Variants in NCK2 observed in about 807,000 individuals in gnomAD.
NCK2 encodes the protein cytoplasmic protein NCK2.
In NCK2, 16 loss-of-function variants were observed where a neutral mutation model predicts 33.9. The observed-to-expected ratio is 0.47, with a 90% CI of 0.32 to 0.72. The LOEUF (loss-of-function observed/expected upper bound fraction) is 0.72, where lower values mean the gene tolerates loss of function less well. NCK2 is among the 30% of genes least tolerant of loss of function. The pLI is 0.03. For synonymous variants in NCK2, 273 were observed against 239.9 expected (o/e 1.14, Z -1.27); for missense variants, 418 against 537.3 (o/e 0.78, Z 2.19).
At chr2:105,775,126 G>T (rs1052926092) in intron 1 of NCK2, among the ~76,000 whole-genome samples, 7 of 152,114 alleles carry the variant, frequency 4.6e-5, no homozygotes, top group African/African-American at 1.2e-4. Context: ...CTAAACTTTA[G>T]TTTTTAAAAA....
At chr2:105,832,425 GC>G (rs1427962430) in intron 2 of NCK2, among the ~76,000 whole-genome samples, 6 of 152,130 alleles carry the variant, frequency 3.9e-5, no homozygotes, top group Non-Finnish European at 8.8e-5. Flanking sequence ...AAAGTTTTCA[GC>G]TTTTGCCTAT....
intron 1 of NCK2, among the ~76,000 whole-genome samples, chr2:105,815,946 G>T (rs544564766): frequency 6.6e-6 from 1 of 152,290 alleles, no homozygotes; most frequent in South Asian, 2.1e-4. Flanking sequence ...CAGGTCCCTT[G>T]ATTATGGGCT....
intron 3 of NCK2, among the ~76,000 whole-genome samples, chr2:105,879,334 C>G (rs1243150442): frequency 6.6e-6 from 1 of 152,216 alleles, no homozygotes; most frequent in Non-Finnish European, 1.5e-5. Flanking sequence ...GGCACCACTG[C>G]CTTCTGGACA....
At chr2:105,786,971 G>A (rs1389801580) in intron 1 of NCK2, among the ~76,000 whole-genome samples, 1 of 152,250 alleles carries the variant, frequency 6.6e-6, no homozygotes, top group East Asian at 1.9e-4. Context: ...AGCTGGCGTG[G>A]TGCCGCACAG....
chr2:105,871,275 A>G (rs895278582), intron 3 of NCK2, among the ~76,000 whole-genome samples: 3 of 151,952 alleles, frequency 2.0e-5, no homozygotes, highest in Non-Finnish European at 2.9e-5. Flanking sequence ...GCGCTCCCAC[A>G]GCCTGCGGGA....
At chr2:105,819,196 A>T (rs981873239) in intron 2 of NCK2, among the ~76,000 whole-genome samples, 1 of 152,070 alleles carries the variant, frequency 6.6e-6, no homozygotes, top group Non-Finnish European at 1.5e-5. Context: ...TCATGCATTC[A>T]TAGGGCATTC....
chr2:105,810,013 T>TG (rs1675228358), intron 1 of NCK2, among the ~76,000 whole-genome samples: 1 of 152,010 alleles, frequency 6.6e-6, no homozygotes, highest in African/African-American at 2.4e-5. Context: ...GAGTGGGTGC[T>TG]GAGGTCTCAT....
intron 1 of NCK2, among the ~76,000 whole-genome samples, chr2:105,787,895 A>G (rs1407154749): frequency 6.6e-6 from 1 of 152,122 alleles, no homozygotes; most frequent in Non-Finnish European, 1.5e-5. Context: ...ACACATGCGT[A>G]TACCGCCCCC....
At chr2:105,804,913 G>A (rs2104454039) in intron 1 of NCK2, among the ~76,000 whole-genome samples, 1 of 152,316 alleles carries the variant, frequency 6.6e-6, no homozygotes, top group East Asian at 1.9e-4. Context: ...GCCTAACATG[G>A]CACTAACTGC....
At chr2:105,810,235 T>C (rs1675237525) in intron 1 of NCK2, among the ~76,000 whole-genome samples, 1 of 152,154 alleles carries the variant, frequency 6.6e-6, no homozygotes, top group African/African-American at 2.4e-5. Flanking sequence ...CCGATTCTAC[T>C]CCCTAAAAGT....
At chr2:105,845,150 C>T (rs1449095812) in intron 2 of NCK2, among the ~76,000 whole-genome samples, 1 of 152,146 alleles carries the variant, frequency 6.6e-6, no homozygotes, top group Non-Finnish European at 1.5e-5. Context: ...GGAATGTGGG[C>T]ATAAACCATA....
In NCK2 at chr2:105,855,201, C is replaced by T. The variant is rs1223323329; in HGVS notation, c.138C>T (p.Asn46=). Residue 46 remains asparagine (N), a synonymous_variant, in exon 3 of 5, where the codon AAC becomes AAT. Transcript: ENST00000233154. ...GGTGGCGGGTGAGGAACGCGGCCAA[C>T]AGGACGGGCTATGTACCGTCCAACT... is the stretch of plus-strand genomic sequence containing the variant. ...KTWWRVRNAA[N]RTGYVPSNYV... The T allele has an allele frequency of 5.0e-6, 8 of 1,613,996 alleles. No homozygotes were observed. Among genetic ancestry groups the T allele is most frequent in the East Asian group, 2.2e-5 (1 of 44,890 alleles).
intron 2 of NCK2, among the ~76,000 whole-genome samples, chr2:105,832,979 G>A (rs1237839051): frequency 6.9e-6 from 1 of 144,810 alleles, no homozygotes; most frequent in Non-Finnish European, 1.5e-5. Context: ...ATCCAGTCCT[G>A]GTCTTTTCTT....
chr2:105,755,116 G>T (rs1325604575), intron 1 of NCK2, among the ~76,000 whole-genome samples: 1 of 152,042 alleles, frequency 6.6e-6, no homozygotes, highest in Non-Finnish European at 1.5e-5. Context: ...TGTCTTCTTA[G>T]GAGCTTCCTA....
intron 1 of NCK2, among the ~76,000 whole-genome samples, chr2:105,781,064 A>G (rs1690480165): frequency 6.6e-6 from 1 of 152,154 alleles, no homozygotes. Flanking sequence ...TCTTGCTTTC[A>G]GATTTTTCTC....
At chr2:105,862,600 T>C (rs1011280727) in intron 3 of NCK2, among the ~76,000 whole-genome samples, 14 of 152,198 alleles carry the variant, frequency 9.2e-5, no homozygotes, top group Admixed American at 2.6e-4. Flanking sequence ...CCAAGTTCTT[T>C]GTTTTAGAAA....
At chr2:105,769,536 G>C in intron 1 of NCK2, among the ~76,000 whole-genome samples, 1 of 152,228 alleles carries the variant, frequency 6.6e-6, no homozygotes, top group East Asian at 1.9e-4. Flanking sequence ...ATAACGTACA[G>C]AAGAATAACT....
At chr2:105,771,307 G>C (rs1690129363) in intron 1 of NCK2, among the ~76,000 whole-genome samples, 1 of 151,868 alleles carries the variant, frequency 6.6e-6, no homozygotes, top group East Asian at 2.0e-4. Flanking sequence ...TGGCTCACGT[G>C]TGTAATCCCA....
At chr2:105,881,244 A>G in intron 3 of NCK2, 84 bp from the exon 4 acceptor site, 1 of 1,499,426 alleles carries the variant, frequency 6.7e-7, no homozygotes, top group Non-Finnish European at 8.8e-7. Flanking sequence ...ACCGCCAGAG[A>G]AACTGCGTGG....
Sources: gnomAD v4.1 joint callset for allele counts (sites outside exome capture counted in the v4.1 genomes callset) on GRCh38, gnomAD v4.1.1 for gene constraint, MANE v1.5 for transcripts, NCBI Gene and HGNC (gene_info 2026-07-23, HGNC 2026-07-21) for gene names.